The following PRMT7 variants were observed in gnomAD, a reference collection of about 807,000 sequenced individuals.
PRMT7 encodes protein arginine N-methyltransferase 7.
In PRMT7, 75 loss-of-function variants were observed where a neutral mutation model predicts 85.4. That is an observed-to-expected ratio of 0.88 (90% CI 0.73 to 1.06). The LOEUF is 1.06. Ranked by LOEUF, PRMT7 falls within the 50% of genes least tolerant of loss-of-function variation. The probability of loss-of-function intolerance (pLI) is 0.00; values close to 1 mark genes in which losing one functional copy is unlikely to be tolerated. For missense variants in PRMT7, 868 were observed against 915.2 expected, an observed-to-expected ratio of 0.95 and a Z score of 0.67; for synonymous variants, 397 against 359.5, an observed-to-expected ratio of 1.10 and a Z score of -1.18.
At position 68,324,784 on chromosome 16, in the gene PRMT7, G is replaced by A. The variant is rs1205456341; in HGVS notation, c.234G>A (p.Leu78=). Residue 78 remains leucine, a synonymous_variant, in exon 5 of 19, where the codon TTG becomes TTA. Coordinates refer to ENST00000441236, the MANE Select transcript of PRMT7 (RefSeq NM_019023.5). The part of the protein sequence containing the change: ...VLDIGTGTGL[L]SMMAVTAGAD... ...ACATTGGCACTGGCACGGGACTCTT[G>A]TCAATGATGGCGGTCACAGCAGGTG... is the stretch of plus-strand genomic sequence containing the variant. 1.2e-6 allele frequency: 2 copies of A among 1,614,078 alleles called. No individual in the cohort carries two copies. The highest frequency in any genetic ancestry group is 1.7e-5 in the Admixed American group (1 of 59,982).
rs373002332 is a variant in PRMT7, at chr16:68,345,810, G to A, written c.1055+8G>A. On this transcript the variant is annotated splice_region_variant and intron_variant, in intron 10 of 18. Transcript: ENST00000441236. Reference sequence around the variant, plus strand: ...CAGCCTGCAGAGGACCAGGTACGTCGAGCCTCGTGGGGGTGGAGGATGAGC... The same window carrying A: ...CAGCCTGCAGAGGACCAGGTACGTCAAGCCTCGTGGGGGTGGAGGATGAGC... 56 of 1,613,746 alleles carry A rather than the reference G, an allele frequency of 3.5e-5. No individual in the cohort carries two copies. The highest frequency in any genetic ancestry group is 4.3e-5 in the Non-Finnish European group (51 of 1,179,980).
Position 68,352,042 on chromosome 16 carries a change from T to G in PRMT7, c.1414-206T>G, listed in dbSNP as rs909827913. ...GCCTCCAGGGCAGGTACAGAGCACC[T>G]TGCTGCCTTGCTTGTTTGTTGACTG... On this transcript the variant is annotated intron_variant, in intron 14 of 18. Coordinates refer to ENST00000441236, the MANE Select transcript of PRMT7 (RefSeq NM_019023.5). The G allele has an allele frequency of 8.9e-6, 5 of 562,490 alleles. No individual in the cohort carries two copies. In the South Asian group the frequency reaches 1.1e-4, roughly 12 times the overall value. 34.8% of individuals were successfully genotyped at this position (562,490 alleles called of 1,614,324 possible).
chr16:68,323,915 C>T (rs2082791794), intron 4 of PRMT7: 1 of 152,136 alleles, frequency 6.6e-6, no homozygotes, highest in East Asian at 1.9e-4. Flanking sequence ...TTACTAAAGA[C>T]AGAAGTAAAA....
At chr16:68,343,575 G>A (rs950418649) in intron 9 of PRMT7, among the ~76,000 whole-genome samples, 1 of 152,198 alleles carries the variant, frequency 6.6e-6, no homozygotes, top group African/African-American at 2.4e-5. Context: ...GGACCCAGGA[G>A]GTCCCTGTGG....
intron 2 of PRMT7, among the ~76,000 whole-genome samples, chr16:68,313,685 T>C (rs185554308): frequency 6.6e-6 from 1 of 152,376 alleles, no homozygotes; most frequent in African/African-American, 2.4e-5. Flanking sequence ...AGATATTCTG[T>C]CTGTAAAATA....
intron 5 of PRMT7, chr16:68,328,613 G>A (rs2083427234): frequency 5.9e-6 from 1 of 168,108 alleles, no homozygotes; most frequent in South Asian, 1.5e-4. Context: ...ATGGACAAGA[G>A]GCACTGCTGC....
rs143353309 is a variant in PRMT7, at chr16:68,319,876, C to G, written c.96-1550C>G. Among the ~76,000 whole-genome samples, 3 of 152,312 alleles carry G rather than the reference C, an allele frequency of 2.0e-5. No individual in the cohort carries two copies. In the South Asian group the frequency reaches 6.2e-4, roughly 32 times the overall value. On this transcript the variant is annotated intron_variant, in intron 3 of 18. Transcript: ENST00000441236. ...AAAGCGTGGCAGGGCCTGCCTAGTT[C>G]TGGGTGCTCATCCCGACCCCGCCTG... is the stretch of plus-strand genomic sequence containing the variant.
At chr16:68,337,708 G>GGC (rs1442378703) in intron 7 of PRMT7, 137 bp downstream of exon 7, 1 of 448,180 alleles carries the variant, frequency 2.2e-6, no homozygotes, top group African/African-American at 2.0e-5. Flanking sequence ...ATTCCTGGGG[G>GGC]GGCTCTGGTT....
chr16:68,347,089 A>AG, intron 11 of PRMT7, 122 bp from the exon 12 acceptor site: 1 of 832,004 alleles, frequency 1.2e-6, no homozygotes, highest in Non-Finnish European at 1.9e-6. Context: ...ATGAGGACGC[A>AG]GGGGGATGGT....
intron 3 of PRMT7, among the ~76,000 whole-genome samples, chr16:68,318,226 G>A (rs2082097750): frequency 1.4e-5 from 2 of 143,262 alleles, no homozygotes; most frequent in Admixed American, 1.4e-4. Flanking sequence ...TTGAGACAGA[G>A]TCTCGCTCTG....
intron 9 of PRMT7, among the ~76,000 whole-genome samples, chr16:68,343,141 TTGCAG>T (rs1195394411): frequency 6.6e-6 from 1 of 151,830 alleles, no homozygotes; most frequent in East Asian, 1.9e-4. Flanking sequence ...GAGGTGGAGG[TTGCAG>T]TAAGCTGAGA....
In PRMT7 at chr16:68,331,786, T is replaced by C. The variant is rs529351492; in HGVS notation, c.391+2612T>C. 4.6e-5 allele frequency among the ~76,000 whole-genome samples: 7 copies of C among 152,356 alleles called. No individual in the cohort carries two copies. The South Asian group carries it at 8.3e-4, about 18-fold the overall frequency. The stretch of plus-strand genomic sequence containing the variant: ...GCTGTGCCTGGCCTCATTTTTGATA[T>C]TGTATTTTTTAATCTCTGAAAGTTC... On this transcript the variant is annotated intron_variant, in intron 6 of 18. Transcript: ENST00000441236.
At chr16:68,314,521 C>T (rs1191486934) in intron 2 of PRMT7, among the ~76,000 whole-genome samples, 1 of 152,192 alleles carries the variant, frequency 6.6e-6, no homozygotes, top group Non-Finnish European at 1.5e-5. Context: ...TGTGAGCCAC[C>T]GTGCCCAGCC....
intron 4 of PRMT7, 74 bp downstream of exon 4, chr16:68,321,536 C>G: frequency 7.1e-7 from 1 of 1,401,622 alleles, no homozygotes; most frequent in Non-Finnish European, 1.0e-6. Flanking sequence ...GTTAAGAATC[C>G]CTGGGGGTCA....
rs760575619 is a variant in PRMT7 at position 68,339,564 on chromosome 16, G to T, written c.746+1G>T. 1 of 1,612,832 alleles carries T rather than the reference G, an allele frequency of 6.2e-7. No homozygotes were observed. The highest frequency in any genetic ancestry group is 8.5e-7 in the Non-Finnish European group (1 of 1,179,490). On this transcript the variant is annotated splice_donor_variant, in intron 8 of 18. Transcript: ENST00000441236. LOFTEE classifies it high-confidence loss of function. ...TCAGCGATGTGCTGCCCATGTTCAG[G>T]TACCAAGGAGCCACCATAGGTGATG...
chr16:68,316,913 C>A (rs1264970254), intron 3 of PRMT7: 2 of 124,618 alleles, frequency 1.6e-5, no homozygotes, highest in Non-Finnish European at 3.2e-5. Flanking sequence ...CAGGCACATA[C>A]AAAATTACAG....
At chr16:68,335,172 G>C (rs2084478942) in intron 6 of PRMT7, among the ~76,000 whole-genome samples, 1 of 152,198 alleles carries the variant, frequency 6.6e-6, no homozygotes. Flanking sequence ...ACATTCAGGA[G>C]ATAGAATTGG....
intron 5 of PRMT7, among the ~76,000 whole-genome samples, chr16:68,327,685 C>T (rs1483773061): frequency 2.0e-5 from 3 of 152,100 alleles, no homozygotes; most frequent in Admixed American, 6.5e-5. Flanking sequence ...CGGTGGCTCA[C>T]GCCTGTAATC....
intron 7 of PRMT7, among the ~76,000 whole-genome samples, chr16:68,338,607 A>C (rs1428555701): frequency 6.6e-6 from 1 of 152,090 alleles, no homozygotes; most frequent in Non-Finnish European, 1.5e-5. Context: ...GAGTGAGTCC[A>C]GTTAGAGCAG....
Sources: gnomAD v4.1 joint callset for allele counts (sites outside exome capture counted in the v4.1 genomes callset) on GRCh38, gnomAD v4.1.1 for gene constraint, MANE v1.5 for transcripts, NCBI Gene and HGNC (gene_info 2026-07-23, HGNC 2026-07-21) for gene names.